Variants in PPP1R13B observed in about 807,000 individuals in gnomAD.
The protein encoded by PPP1R13B is protein phosphatase 1 regulatory subunit 13B.
A neutral mutation model predicts 119.8 loss-of-function variants in PPP1R13B; 44 were observed. That is an observed-to-expected ratio of 0.37 (90% CI 0.29 to 0.47). The LOEUF is 0.47. Ranked by LOEUF, PPP1R13B falls within the 20% of genes least tolerant of loss-of-function variation. The pLI, the probability that PPP1R13B is intolerant of heterozygous loss-of-function variation, is 0.99. For missense variants in PPP1R13B, 1,227 were observed against 1,413.5 expected (o/e 0.87, Z 2.12); for synonymous variants, 542 against 561.5 (o/e 0.97, Z 0.49).
intron 2 of PPP1R13B, among the ~76,000 whole-genome samples, chr14:103,790,988 C>T (rs145799709): frequency 3.3e-5 from 5 of 152,336 alleles, no homozygotes; most frequent in Admixed American, 6.5e-5. Flanking sequence ...TTGTGAGCTA[C>T]ACAATCTAAG....
In PPP1R13B at chr14:103,753,034, G is replaced by T; in HGVS notation, c.794C>A (p.Ala265Glu). Reference sequence around the variant, plus strand: ...TTGGTACAGTCTTTTTAACTCCACCGCCGCTGGTCCCGTCAATTTGCCATT... The same window carrying T: ...TTGGTACAGTCTTTTTAACTCCACCTCCGCTGGTCCCGTCAATTTGCCATT... ...SYNGKLTGPA[A>E]VELKRLYQEL... is the part of the protein sequence containing the mutation. Residue 265 changes from alanine (A) to glutamate (E), a missense_variant, in exon 7 of 17, where the codon GCG becomes GAG. Transcript: ENST00000202556. The T allele has an allele frequency of 1.2e-6, 2 of 1,614,048 alleles. No individual in the cohort carries two copies. The highest frequency in any genetic ancestry group is 1.3e-5 in the African/African-American group (1 of 75,012).
In PPP1R13B at chr14:103,740,526, T is replaced by C. The variant is rs2151964611; in HGVS notation, c.1890A>G (p.Ser630=). 6.3e-7 allele frequency: 1 copy of C among 1,585,920 alleles called. No individual in the cohort carries two copies. The highest frequency in any genetic ancestry group is 8.6e-7 in the Non-Finnish European group (1 of 1,162,912). Residue 630 remains serine, a synonymous_variant, in exon 12 of 17, where the codon TCA becomes TCG. Coordinates refer to ENST00000202556, the MANE Select transcript of PPP1R13B (RefSeq NM_015316.3). This position sits in a 1 kb window ranked among gnomAD's most constrained non-coding sequence, Gnocchi z 4.6. ...SPSPLPFLHG[S]LSTGTPQPQP... is the part of the protein sequence containing the mutation. ...GAGGCTGTGGTGTGCCCGTGGACAG[T>C]GACCCGTGAAGAAACGGCAGCGGCG... is the stretch of plus-strand genomic sequence containing the variant.
At chr14:103,748,074 C>T (rs1050842630) in intron 8 of PPP1R13B, among the ~76,000 whole-genome samples, 10 of 77,320 alleles carry the variant, frequency 1.3e-4, no homozygotes, top group Admixed American at 9.4e-4. Context: ...CATACACACA[C>T]ACACACACAC....
At position 103,739,874 on chromosome 14, in the gene PPP1R13B, C is replaced by T. The variant is rs1157397048; in HGVS notation, c.2542G>A (p.Val848Ile). The T allele has an allele frequency of 8.7e-6, 14 of 1,613,748 alleles. No homozygotes were observed. The highest frequency in any genetic ancestry group is 1.7e-5 in the Admixed American group (1 of 60,012). ...AEAPSPGEEQ[V>I]PPAPLPPASH... ...GCAGGGGGAAGAGGTGCTGGAGGGA[C>T]CTGCTCTTCCCCTGGAGATGGGGCC... The change falls in exon 12 of 17, where the codon GTC becomes ATC. Residue 848 changes from valine (V) to isoleucine (I), a missense_variant. Val to Ile is a conservative substitution (Grantham distance 29). Transcript: ENST00000202556.
At chr14:103,761,538 C>A (rs968616290) in intron 4 of PPP1R13B, among the ~76,000 whole-genome samples, 1 of 151,790 alleles carries the variant, frequency 6.6e-6, no homozygotes, top group East Asian at 1.9e-4. Context: ...CCAAGGTGGG[C>A]GGATCACGAG....
At chr14:103,823,896 A>G (rs1595825675) in intron 1 of PPP1R13B, among the ~76,000 whole-genome samples, 2 of 152,246 alleles carry the variant, frequency 1.3e-5, no homozygotes, top group South Asian at 2.1e-4. Flanking sequence ...CACTTTAAAC[A>G]GCAGGTACAT....
chr14:103,797,111 A>T (rs2085778561), intron 2 of PPP1R13B, among the ~76,000 whole-genome samples: 1 of 151,886 alleles, frequency 6.6e-6, no homozygotes, highest in South Asian at 2.1e-4. Context: ...AAAAAAAAAA[A>T]AAGTATACAA....
At chr14:103,825,387 G>A (rs925379483) in intron 1 of PPP1R13B, among the ~76,000 whole-genome samples, 5 of 152,216 alleles carry the variant, frequency 3.3e-5, no homozygotes, top group Non-Finnish European at 7.3e-5. Flanking sequence ...TTAAGAGGAA[G>A]GAATGTCAAA....
intron 5 of PPP1R13B, 46 bp downstream of exon 5, chr14:103,757,604 A>G (rs756698123): frequency 3.9e-5 from 60 of 1,554,698 alleles, no homozygotes; most frequent in Middle Eastern, 3.4e-4. Context: ...ATGGTTAAAG[A>G]AGGTACTTTT....
At chr14:103,757,873 T>TC in intron 4 of PPP1R13B, 122 bp from the exon 5 acceptor site, 1 of 633,584 alleles carries the variant, frequency 1.6e-6, no homozygotes, top group Non-Finnish European at 2.6e-6. Flanking sequence ...GAGTACCAAC[T>TC]AGTTTATTTT....
intron 4 of PPP1R13B, among the ~76,000 whole-genome samples, chr14:103,760,247 T>A (rs2084772710): frequency 1.3e-5 from 2 of 152,256 alleles, no homozygotes; most frequent in Admixed American, 1.3e-4. Flanking sequence ...CTGGATTTTT[T>A]AATAATAGGC....
chr14:103,773,647 A>G (rs1303093545), intron 4 of PPP1R13B, among the ~76,000 whole-genome samples: 1 of 152,238 alleles, frequency 6.6e-6, no homozygotes, highest in Non-Finnish European at 1.5e-5. Context: ...AGCCAGAAGG[A>G]GTAAAACTGG....
chr14:103,766,852 G>A (rs1431357428), intron 4 of PPP1R13B, among the ~76,000 whole-genome samples: 2 of 152,074 alleles, frequency 1.3e-5, no homozygotes, highest in African/African-American at 4.8e-5. Flanking sequence ...TGATCCGCCA[G>A]ATCAAAAAAT....
rs1053493484 is a variant in PPP1R13B, at chr14:103,776,474, A to G, written c.354+2271T>C. On this transcript the variant is annotated intron_variant, in intron 4 of 16. Coordinates refer to ENST00000202556, the MANE Select transcript of PPP1R13B (RefSeq NM_015316.3). ...AGTGGGCTAAACATGGGCCAGTCAC[A>G]CTCTAGATTCCATGCACTTTACCAG... Among the ~76,000 whole-genome samples the G allele has an allele frequency of 2.0e-5, 3 of 152,250 alleles. No homozygotes were observed. The East Asian group carries it at 5.8e-4, about 29-fold the overall frequency.
intron 1 of PPP1R13B, among the ~76,000 whole-genome samples, chr14:103,838,494 A>C (rs183390429): frequency 6.6e-6 from 1 of 152,340 alleles, no homozygotes; most frequent in East Asian, 1.9e-4. Context: ...ACCTCCAAAT[A>C]AAATAATCTG....
chr14:103,835,890 G>T (rs917259517), intron 1 of PPP1R13B, among the ~76,000 whole-genome samples: 2 of 151,864 alleles, frequency 1.3e-5, no homozygotes, highest in African/African-American at 2.4e-5. Context: ...TTACAGGCGT[G>T]AGCCACTGTG....
chr14:103,743,743 A>G (rs992199299), intron 9 of PPP1R13B: 2 of 152,334 alleles, frequency 1.3e-5, no homozygotes, highest in African/African-American at 4.8e-5. Context: ...GCAGCAGGAA[A>G]ATCAGTGGTC....
At chr14:103,746,154 G>A (rs2084379692) in intron 9 of PPP1R13B, among the ~76,000 whole-genome samples, 1 of 152,218 alleles carries the variant, frequency 6.6e-6, no homozygotes, top group South Asian at 2.1e-4. Context: ...AAGCCACACA[G>A]TAGAGACCTC....
At chr14:103,816,003 G>C (rs1405273478) in intron 1 of PPP1R13B, among the ~76,000 whole-genome samples, 1 of 151,480 alleles carries the variant, frequency 6.6e-6, no homozygotes, top group East Asian at 2.0e-4. Context: ...AGAATGGTAT[G>C]AACCCAGGAG....
Sources: gnomAD v4.1 joint callset for allele counts (sites outside exome capture counted in the v4.1 genomes callset) on GRCh38, gnomAD v4.1.1 for gene constraint, Gnocchi (gnomAD v3.1) non-coding constraint, MANE v1.5 for transcripts, NCBI Gene and HGNC (gene_info 2026-07-23, HGNC 2026-07-21) for gene names.